Variants in AGMO observed in about 807,000 individuals in gnomAD.
The protein encoded by AGMO is glyceryl-ether monooxygenase.
In AGMO, 75 loss-of-function variants were observed where a neutral mutation model predicts 60.2. That is an observed-to-expected ratio of 1.25 (90% CI 1.03 to 1.51). The LOEUF (loss-of-function observed/expected upper bound fraction) is 1.51, where lower values mean the gene tolerates loss of function less well. Among genes scored for constraint, AGMO ranks in the 40% most tolerant of loss-of-function variants. The pLI is 0.00. For missense variants in AGMO, 763 were observed against 525.5 expected (o/e 1.45, Z -4.42); for synonymous variants, 261 against 177.1 (o/e 1.47, Z -3.76).
intron 12 of AGMO, among the ~76,000 whole-genome samples, chr7:15,324,495 T>C (rs1205743975): frequency 1.3e-5 from 2 of 152,122 alleles, no homozygotes; most frequent in Non-Finnish European, 2.9e-5. Flanking sequence ...AGTGCCTTCT[T>C]GATTTCTTTT....
chr7:15,492,686 C>T (rs1175496103), intron 3 of AGMO, among the ~76,000 whole-genome samples: 1 of 151,876 alleles, frequency 6.6e-6, no homozygotes, highest in Non-Finnish European at 1.5e-5. Flanking sequence ...TCTAGTTCAC[C>T]GTTGTTTCCC....
chr7:15,327,587 G>C (rs1222313592), intron 12 of AGMO, among the ~76,000 whole-genome samples: 2 of 151,730 alleles, frequency 1.3e-5, no homozygotes, highest in East Asian at 3.9e-4. Context: ...AAGGAGATTA[G>C]AAAAGAGACT....
At chr7:15,134,785 C>A in the AGMO span, among the ~76,000 whole-genome samples, 14 of 149,898 alleles carry the variant, frequency 9.3e-5, no homozygotes, top group East Asian at 7.8e-4. Context: ...GGGAAGAAAG[C>A]AGTTTGATAG....
intron 12 of AGMO, among the ~76,000 whole-genome samples, chr7:15,329,045 A>G (rs565319346): frequency 1.3e-5 from 2 of 152,048 alleles, no homozygotes; most frequent in South Asian, 4.2e-4. Flanking sequence ...ATCCTTCACT[A>G]TCCTTCCTCC....
the AGMO span, among the ~76,000 whole-genome samples, chr7:15,117,877 C>G: frequency 1.3e-3 from 195 of 151,938 alleles, no homozygotes; most frequent in African/African-American, 4.4e-3. Context: ...TATTATTCTC[C>G]TATCTGCTGC....
chr7:15,206,079 G>T (rs976506224), intron 12 of AGMO, among the ~76,000 whole-genome samples: 3 of 151,946 alleles, frequency 2.0e-5, no homozygotes, highest in Non-Finnish European at 4.4e-5. Context: ...ATTGTCAGCT[G>T]TACAGATAAG....
intron 12 of AGMO, among the ~76,000 whole-genome samples, chr7:15,230,790 G>A (rs992964828): frequency 6.6e-6 from 1 of 152,038 alleles, no homozygotes; most frequent in East Asian, 1.9e-4. Flanking sequence ...CCCCACCGCA[G>A]AATCCATGAA....
intron 12 of AGMO, among the ~76,000 whole-genome samples, chr7:15,257,116 A>C (rs2128508396): frequency 6.6e-6 from 1 of 152,276 alleles, no homozygotes; most frequent in Non-Finnish European, 1.5e-5. Context: ...TTTTAGTATA[A>C]ATTTTACTTT....
At chr7:15,355,305 A>C (rs528749622) in intron 12 of AGMO, among the ~76,000 whole-genome samples, 5 of 152,176 alleles carry the variant, frequency 3.3e-5, no homozygotes, top group African/African-American at 1.2e-4. Context: ...GATCGAGACC[A>C]TCCTGGCTAA....
At chr7:15,345,008 G>C (rs533688243) in intron 12 of AGMO, among the ~76,000 whole-genome samples, 1 of 152,158 alleles carries the variant, frequency 6.6e-6, no homozygotes, top group Admixed American at 6.5e-5. Context: ...GACTGTCCTC[G>C]TTCAAGCCAC....
chr7:15,431,132 G>A (rs745968238), intron 3 of AGMO, 24 bp from the exon 4 acceptor site: 8 of 1,540,668 alleles, frequency 5.2e-6, no homozygotes, highest in Non-Finnish European at 7.2e-6. Flanking sequence ...AATTTGCAAT[G>A]AGCCATGAGA....
At chr7:15,125,272 G>C in the AGMO span, among the ~76,000 whole-genome samples, 56 of 152,176 alleles carry the variant, frequency 3.7e-4, no homozygotes, top group Admixed American at 3.3e-4. Context: ...TGCCCTCAGA[G>C]CACAGAGGCT....
At chr7:15,223,438 T>C (rs1307264311) in intron 12 of AGMO, among the ~76,000 whole-genome samples, 2 of 151,962 alleles carry the variant, frequency 1.3e-5, no homozygotes, top group Non-Finnish European at 2.9e-5. Flanking sequence ...CATATAGATA[T>C]AAGAATGAAC....
intron 10 of AGMO, among the ~76,000 whole-genome samples, chr7:15,375,991 C>A (rs967289852): frequency 1.3e-5 from 2 of 151,902 alleles, no homozygotes; most frequent in Non-Finnish European, 2.9e-5. Context: ...TGTAATTTCC[C>A]AGTTTATCAA....
intron 12 of AGMO, among the ~76,000 whole-genome samples, chr7:15,205,399 T>G (rs1313096135): frequency 6.6e-6 from 1 of 150,792 alleles, no homozygotes; most frequent in Non-Finnish European, 1.5e-5. Context: ...AAAAAATCTC[T>G]GAAATTGCTA....
chr7:15,226,767 G>A (rs540144504), intron 12 of AGMO, among the ~76,000 whole-genome samples: 3 of 152,000 alleles, frequency 2.0e-5, no homozygotes, highest in Non-Finnish European at 4.4e-5. Flanking sequence ...ACTATTTCAT[G>A]GGGACAACAC....
chr7:15,389,930 C>A (rs1248443389), intron 8 of AGMO, among the ~76,000 whole-genome samples: 2 of 151,962 alleles, frequency 1.3e-5, no homozygotes, highest in African/African-American at 4.8e-5. Context: ...AAAAGCTGAC[C>A]CAACATGAGC....
chr7:15,160,073 C>A, the AGMO span, among the ~76,000 whole-genome samples: 1 of 152,122 alleles, frequency 6.6e-6, no homozygotes. Flanking sequence ...TGAGCCAAAT[C>A]CCAAAGTTCT....
At chr7:15,231,745 G>A (rs1305227019) in intron 12 of AGMO, among the ~76,000 whole-genome samples, 1 of 152,148 alleles carries the variant, frequency 6.6e-6, no homozygotes, top group Non-Finnish European at 1.5e-5. Context: ...AGCGTTCTGT[G>A]AGGGTAAAAT....
Sources: allele counts gnomAD v4.1 joint callset (sites outside exome capture counted in the v4.1 genomes callset), GRCh38; gene constraint gnomAD v4.1.1; transcripts MANE v1.5; gene names NCBI Gene and HGNC (gene_info 2026-07-23, HGNC 2026-07-21).